The following TBC1D31 variants were observed in gnomAD, a reference collection of about 807,000 sequenced individuals.
TBC1D31 encodes WD repeat domain 67.
A neutral mutation model predicts 132.9 loss-of-function variants in TBC1D31; 99 were observed. That is an observed-to-expected ratio of 0.74 (90% CI 0.63 to 0.88). The LOEUF (loss-of-function observed/expected upper bound fraction) is 0.88. Among genes scored for constraint, TBC1D31 ranks in the 40% least tolerant of loss-of-function variants. The pLI is 0.00. For synonymous variants in TBC1D31, 385 were observed against 419.4 expected (o/e 0.92, Z 1.00); for missense variants, 1,134 against 1,256.6 (o/e 0.90, Z 1.48).
downstream of TBC1D31, among the ~76,000 whole-genome samples, chr8:123,155,214 C>T (rs1444751695): frequency 6.6e-6 from 1 of 152,116 alleles, no homozygotes; most frequent in Non-Finnish European, 1.5e-5. This position sits in a 1 kb window ranked among gnomAD's most constrained non-coding sequence, Gnocchi z 4.1. Flanking sequence ...CACTCACCTC[C>T]CAATGCCATG....
chr8:123,114,117 C>A (rs1818701228), intron 10 of TBC1D31, among the ~76,000 whole-genome samples: 1 of 152,040 alleles, frequency 6.6e-6, no homozygotes, highest in South Asian at 2.1e-4. Context: ...AATAAAGTGG[C>A]ATGATGTCTG....
rs757890383 is a variant in TBC1D31, at chr8:123,097,367, C to G, written c.757C>G (p.Gln253Glu). Residue 253 changes from glutamine to glutamate, a missense_variant, in exon 6 of 22, where the codon CAG becomes GAG. Coordinates refer to ENST00000287380, the MANE Select transcript of TBC1D31 (RefSeq NM_145647.4). Reference sequence around the variant, plus strand: ...AGCTAGGCAGCTCTTTAGAATTATCCAGATGCCCACTAAAGTTCGAGCCAT... The same window carrying G: ...AGCTAGGCAGCTCTTTAGAATTATCGAGATGCCCACTAAAGTTCGAGCCAT... ...LEARQLFRII[Q>E]MPTKVRAIRH... 6.2e-7 allele frequency: 1 copy of G among 1,614,104 alleles called. No individual in the cohort carries two copies. Among genetic ancestry groups the G allele is most frequent in the South Asian group, 1.1e-5 (1 of 91,076 alleles).
the TBC1D31 span, among the ~76,000 whole-genome samples, chr8:123,157,304 C>T: frequency 5.3e-5 from 8 of 152,164 alleles, no homozygotes; most frequent in Non-Finnish European, 7.3e-5. Flanking sequence ...TAACGAGGCA[C>T]CTAGTAAGGG....
intron 10 of TBC1D31, among the ~76,000 whole-genome samples, chr8:123,114,961 A>G (rs1477014014): frequency 1.3e-5 from 2 of 152,204 alleles, no homozygotes; most frequent in Admixed American, 6.5e-5. Context: ...AAAAATGCAC[A>G]TGGATGGATG....
At chr8:123,145,891 A>G (rs1245706877) in intron 20 of TBC1D31, among the ~76,000 whole-genome samples, 2 of 132,668 alleles carry the variant, frequency 1.5e-5, no homozygotes, top group Non-Finnish European at 3.1e-5. Flanking sequence ...TTTTTTTGAG[A>G]CAGAGTTTCG....
intron 20 of TBC1D31, among the ~76,000 whole-genome samples, chr8:123,149,362 A>G (rs926683806): frequency 6.6e-6 from 1 of 152,232 alleles, no homozygotes; most frequent in African/African-American, 2.4e-5. Context: ...TTACCGATTT[A>G]ATGAGACTCC....
the TBC1D31 span, among the ~76,000 whole-genome samples, chr8:123,158,089 G>A: frequency 3.6e-5 from 5 of 139,894 alleles, no homozygotes; most frequent in Non-Finnish European, 7.6e-5. Context: ...GAGTTAATGT[G>A]TTAACTGGGA....
chr8:123,119,481 C>T (rs1031152325), intron 10 of TBC1D31, among the ~76,000 whole-genome samples: 3 of 152,120 alleles, frequency 2.0e-5, no homozygotes, highest in South Asian at 2.1e-4. Flanking sequence ...GAAGCTGAGG[C>T]GGGAAGATCG....
At chr8:123,139,826 G>A (rs1235937745) in intron 17 of TBC1D31, among the ~76,000 whole-genome samples, 1 of 152,122 alleles carries the variant, frequency 6.6e-6, no homozygotes, top group African/African-American at 2.4e-5. Context: ...ACTGCCCCAA[G>A]TAGCCAAGAT....
intron 11 of TBC1D31, among the ~76,000 whole-genome samples, chr8:123,125,569 A>T (rs933674576): frequency 6.6e-6 from 1 of 152,216 alleles, no homozygotes; most frequent in African/African-American, 2.4e-5. Flanking sequence ...GGGATTAGGG[A>T]TACAGTATAT....
intron 4 of TBC1D31, among the ~76,000 whole-genome samples, chr8:123,086,200 T>C (rs1418664305): frequency 6.6e-6 from 1 of 152,056 alleles, no homozygotes. Context: ...CCCTCCTCCC[T>C]CCTTACCACA....
chr8:123,088,436 A>G (rs1816001005), intron 4 of TBC1D31, among the ~76,000 whole-genome samples: 1 of 152,064 alleles, frequency 6.6e-6, no homozygotes, highest in Non-Finnish European at 1.5e-5. Flanking sequence ...AAAAAAAGTG[A>G]CCATTCTTAG....
At chr8:123,159,792 CA>C in the TBC1D31 span, among the ~76,000 whole-genome samples, 117,660 of 144,992 alleles carry the variant, frequency 0.81, 47,686 homozygotes, top group African/African-American at 0.93. Context: ...AACTCCGTCT[CA>C]AAAAAAAAAA....
the TBC1D31 span, among the ~76,000 whole-genome samples, chr8:123,161,194 G>C: frequency 1.3e-5 from 2 of 152,244 alleles, no homozygotes; most frequent in Non-Finnish European, 2.9e-5. Flanking sequence ...CCAGGCCTTT[G>C]CACCGGCAGC....
chr8:123,074,320 G>A (rs1406660836), intron 1 of TBC1D31, among the ~76,000 whole-genome samples: 35 of 152,098 alleles, frequency 2.3e-4, no homozygotes, highest in Admixed American at 2.3e-3. Context: ...GCGCCTGGCC[G>A]ACAAATCAGT....
chr8:123,130,125 G>T, intron 15 of TBC1D31, 73 bp from the exon 16 acceptor site: 2 of 1,454,986 alleles, frequency 1.4e-6, no homozygotes, highest in South Asian at 2.7e-5. Context: ...CAGCATGGCA[G>T]ACCTGTTATG....
At chr8:123,133,443 G>C (rs1820807857) in intron 16 of TBC1D31, among the ~76,000 whole-genome samples, 1 of 152,132 alleles carries the variant, frequency 6.6e-6, no homozygotes, top group Non-Finnish European at 1.5e-5. Context: ...ACATCCAACT[G>C]TATTCTCATT....
chr8:123,126,992 GCCT>G (rs1563734339), intron 13 of TBC1D31, among the ~76,000 whole-genome samples: 1 of 152,102 alleles, frequency 6.6e-6, no homozygotes, highest in Admixed American at 6.6e-5. Context: ...ACCCACCTCG[GCCT>G]CCCAAAGTGC....
At chr8:123,072,914 C>A in intron 1 of TBC1D31, 68 bp downstream of exon 1, 3 of 1,456,426 alleles carry the variant, frequency 2.1e-6, no homozygotes, top group Non-Finnish European at 2.8e-6. Flanking sequence ...GGACGCCGGG[C>A]GTCAGGCAGC....
Sources: allele counts gnomAD v4.1 joint callset (sites outside exome capture counted in the v4.1 genomes callset), GRCh38; gene constraint gnomAD v4.1.1; non-coding constraint Gnocchi (gnomAD v3.1); transcripts MANE v1.5; gene names NCBI Gene and HGNC (gene_info 2026-07-23, HGNC 2026-07-21).